NUDT3: variants seen among roughly 807,000 people sequenced by gnomAD.
NUDT3 encodes nudix hydrolase 3.
NUDT3 carries 9 observed loss-of-function variants against 23.6 expected under a neutral mutation model. The ratio of observed to expected loss-of-function variants is 0.38; its 90% CI spans 0.23 to 0.66. The LOEUF is 0.66. Among genes scored for constraint, NUDT3 ranks in the 30% least tolerant of loss-of-function variants. The pLI is 0.52. For missense variants in NUDT3, 172 were observed against 218.5 expected (o/e 0.79, Z 1.34); for synonymous variants, 86 against 82.6 (o/e 1.04, Z -0.22).
chr6:34,309,243 A>G (rs1368068985), intron 2 of NUDT3, among the ~76,000 whole-genome samples: 1 of 152,168 alleles, frequency 6.6e-6, no homozygotes, highest in Non-Finnish European at 1.5e-5. Flanking sequence ...AAAGAAGTCA[A>G]TAACTGAAAG....
At chr6:34,364,954 G>A (rs1233366881) in intron 1 of NUDT3, among the ~76,000 whole-genome samples, 1 of 152,192 alleles carries the variant, frequency 6.6e-6, no homozygotes, top group African/African-American at 2.4e-5. Context: ...CCAGGAGGTG[G>A]AGCTTGCAGT....
intron 1 of NUDT3, among the ~76,000 whole-genome samples, chr6:34,376,038 A>G (rs991527186): frequency 2.0e-5 from 3 of 152,002 alleles, no homozygotes; most frequent in African/African-American, 7.3e-5. Context: ...GACACTCCAC[A>G]CTGTATCTAT....
chr6:34,282,902 A>C lies in NUDT3; in HGVS notation c.*5851T>G, dbSNP rs924764086. 1 of 152,242 alleles carries C rather than the reference A, an allele frequency of 6.6e-6. No homozygotes were observed. The highest frequency in any genetic ancestry group is 2.4e-5 in the African/African-American group (1 of 41,454). 9.4% of individuals were successfully genotyped at this position (152,242 alleles called of 1,614,324 possible). ...AACTGACTGCTGGAGGAACAGAAGC[A>C]ATGACTTCTTTCCACCTTCTAGATA... is the stretch of plus-strand genomic sequence containing the variant. On this transcript the variant is annotated 3_prime_UTR_variant, in exon 5 of 5. Transcript: ENST00000607016.
rs1467971319 is a variant in NUDT3, at chr6:34,287,250, A to T, written c.*1503T>A. The T allele has an allele frequency of 6.6e-6, 1 of 152,062 alleles. No homozygotes were observed. The highest frequency in any genetic ancestry group is 2.4e-5 in the African/African-American group (1 of 41,432). 9.4% of individuals were successfully genotyped at this position (152,062 alleles called of 1,614,324 possible). A position where few individuals can be genotyped will look rare whatever the true frequency, so the allele number is the denominator to read the frequency against. Reference sequence around the variant, plus strand: ...TTAAATGAGGCGAACTATGATTTTAATTTCACATCTTGGCTAAGGAGATGC... The same window carrying T: ...TTAAATGAGGCGAACTATGATTTTATTTTCACATCTTGGCTAAGGAGATGC... On this transcript the variant is annotated 3_prime_UTR_variant, in exon 5 of 5. Transcript: ENST00000607016.
intron 1 of NUDT3, among the ~76,000 whole-genome samples, chr6:34,354,369 T>C (rs951923815): frequency 6.8e-6 from 1 of 147,750 alleles, no homozygotes; most frequent in Admixed American, 6.8e-5. Flanking sequence ...GCACTCCAGC[T>C]GGGCAGTATA....
At chr6:34,290,401 C>CTTTT (rs952499361) in intron 4 of NUDT3, among the ~76,000 whole-genome samples, 5 of 107,336 alleles carry the variant, frequency 4.7e-5, no homozygotes, top group Admixed American at 9.9e-5. Flanking sequence ...GCTGCTGCTT[C>CTTTT]TTTTTTTTTT....
In NUDT3 at chr6:34,288,261, TATA is replaced by T. The variant is rs1350802821; in HGVS notation, c.*489_*491del. 2 of 152,356 alleles carry T rather than the reference TATA, an allele frequency of 1.3e-5. No homozygotes were observed. Among genetic ancestry groups the T allele is most frequent in the Non-Finnish European group, 2.9e-5 (2 of 68,144 alleles). 9.4% of individuals were successfully genotyped at this position (152,356 alleles called of 1,614,324 possible). A position where few individuals can be genotyped will look rare whatever the true frequency, so the allele number is the denominator to read the frequency against. ...TTATTTACATATTATATGTCCGATATATAATGTGTAGATAAATGTATACTGCAG... is the reference window on the plus strand; with the variant it reads ...TTATTTACATATTATATGTCCGATATATGTGTAGATAAATGTATACTGCAG... On this transcript the variant is annotated 3_prime_UTR_variant, in exon 5 of 5. Transcript: ENST00000607016.
chr6:34,290,735 T>C (rs1485504572), intron 4 of NUDT3, among the ~76,000 whole-genome samples: 1 of 147,258 alleles, frequency 6.8e-6, no homozygotes, highest in South Asian at 2.2e-4. Flanking sequence ...GTATCTAGTA[T>C]GGATGTATTA....
chr6:34,361,939 A>G (rs891546843), intron 1 of NUDT3, among the ~76,000 whole-genome samples: 2 of 152,216 alleles, frequency 1.3e-5, no homozygotes, highest in African/African-American at 4.8e-5. Context: ...ACATTTGTCC[A>G]ATCCATAGGA....
At chr6:34,326,524 A>C (rs1581867303) in intron 2 of NUDT3, among the ~76,000 whole-genome samples, 1 of 152,286 alleles carries the variant, frequency 6.6e-6, no homozygotes, top group South Asian at 2.1e-4. Flanking sequence ...ACATTACTCT[A>C]ACATTTTTAA....
At chr6:34,320,072 A>G (rs912702934) in intron 2 of NUDT3, among the ~76,000 whole-genome samples, 1 of 152,214 alleles carries the variant, frequency 6.6e-6, no homozygotes, top group Non-Finnish European at 1.5e-5. Flanking sequence ...TGAACCTCCT[A>G]GTTCACTTCT....
chr6:34,365,758 A>G (rs188538077), intron 1 of NUDT3, among the ~76,000 whole-genome samples: 95 of 152,136 alleles, frequency 6.2e-4, no homozygotes, highest in African/African-American at 2.2e-3. Flanking sequence ...GAAAATAAAT[A>G]CAGGCCGGGT....
chr6:34,305,822 C>T (rs974539434), intron 2 of NUDT3, among the ~76,000 whole-genome samples: 8 of 152,154 alleles, frequency 5.3e-5, no homozygotes, highest in Non-Finnish European at 8.8e-5. Flanking sequence ...CTGTGTTTCT[C>T]TCTCTTTCAA....
At chr6:34,354,587 G>A (rs1764530837) in intron 1 of NUDT3, among the ~76,000 whole-genome samples, 1 of 151,668 alleles carries the variant, frequency 6.6e-6, no homozygotes, top group South Asian at 2.1e-4. Context: ...GCCAGGCGTG[G>A]TGGCAGGCAC....
intron 1 of NUDT3, among the ~76,000 whole-genome samples, chr6:34,373,431 T>G (rs1285833664): frequency 7.1e-6 from 1 of 140,498 alleles, no homozygotes; most frequent in Non-Finnish European, 1.5e-5. Context: ...ACGGTATCTA[T>G]CCTCATAAAT....
At chr6:34,353,103 CTA>C (rs937871419) in intron 1 of NUDT3, among the ~76,000 whole-genome samples, 2 of 152,140 alleles carry the variant, frequency 1.3e-5, no homozygotes, top group Admixed American at 1.3e-4. Context: ...GTGAAGACTT[CTA>C]GAGATATTCT....
intron 1 of NUDT3, among the ~76,000 whole-genome samples, chr6:34,343,813 C>T (rs1764324602): frequency 6.6e-6 from 1 of 152,062 alleles, no homozygotes; most frequent in Non-Finnish European, 1.5e-5. Flanking sequence ...ACAACCTACA[C>T]AATGGGAGGA....
intron 2 of NUDT3, among the ~76,000 whole-genome samples, chr6:34,302,858 A>G (rs1763621302): frequency 6.6e-6 from 1 of 152,262 alleles, no homozygotes; most frequent in Non-Finnish European, 1.5e-5. Context: ...ATTTCCAAAT[A>G]GCCAATGGTC....
At chr6:34,351,103 A>T (rs1764459806) in intron 1 of NUDT3, among the ~76,000 whole-genome samples, 2 of 141,032 alleles carry the variant, frequency 1.4e-5, no homozygotes, top group Admixed American at 1.5e-4. Flanking sequence ...TAATCCCAGC[A>T]CTCTGGGAGG....
Sources: gnomAD v4.1 joint callset for allele counts (sites outside exome capture counted in the v4.1 genomes callset) on GRCh38, gnomAD v4.1.1 for gene constraint, MANE v1.5 for transcripts, NCBI Gene and HGNC (gene_info 2026-07-23, HGNC 2026-07-21) for gene names.